NBEAL1: variants seen among roughly 807,000 people sequenced by gnomAD.
NBEAL1 encodes neurobeachin like 1, also known as neurobeachin-like protein 1.
A neutral mutation model predicts 351.3 loss-of-function variants in NBEAL1; 273 were observed. That is an observed-to-expected ratio of 0.78 (90% CI 0.70 to 0.86). The LOEUF (loss-of-function observed/expected upper bound fraction) is 0.86, where lower values mean the gene tolerates loss of function less well. NBEAL1 is among the 40% of genes least tolerant of loss of function. The probability of loss-of-function intolerance (pLI) is 0.00; values close to 1 mark genes in which losing one functional copy is unlikely to be tolerated. For synonymous variants in NBEAL1, 1,050 were observed against 1,086.4 expected, an observed-to-expected ratio of 0.97 and a Z score of 0.66; for missense variants, 2,961 against 3,201.3, an observed-to-expected ratio of 0.92 and a Z score of 1.81.
At position 203,217,859 on chromosome 2, in the gene NBEAL1, C is replaced by T; in HGVS notation, c.*505C>T. ...AAACTCGGTGAAAGTTACAAGTTTG[C>T]ATGGTAAGAATAAAATAAGAATATT... On this transcript the variant is annotated 3_prime_UTR_variant, in exon 56 of 56. Transcript: ENST00000683969. The T allele has an allele frequency of 1.0e-6, 1 of 985,082 alleles. No individual in the cohort carries two copies. Among genetic ancestry groups the T allele is most frequent in the Non-Finnish European group, 1.2e-6 (1 of 829,694 alleles). The allele number at this position is 985,082 out of a possible 1,614,324, so 61.0% of individuals were successfully genotyped here. A position where few individuals can be genotyped will look rare whatever the true frequency, so the allele number is the denominator to read the frequency against.
chr2:203,050,124 T>C (rs2061301641), intron 4 of NBEAL1, 149 bp downstream of exon 4: 2 of 642,494 alleles, frequency 3.1e-6, no homozygotes, highest in Non-Finnish European at 5.2e-6. Context: ...AAATACCTAA[T>C]GTAGATGATG....
At chr2:203,168,390 A>C (rs2064204767) in intron 38 of NBEAL1, among the ~76,000 whole-genome samples, 1 of 152,084 alleles carries the variant, frequency 6.6e-6, no homozygotes, top group South Asian at 2.1e-4. Context: ...GTTCGAGACC[A>C]CCCTGGCCAA....
chr2:203,016,101 A>G lies in NBEAL1; in HGVS notation c.-229-55A>G, dbSNP rs544943117. On this transcript the variant is annotated intron_variant, in intron 1 of 55. Coordinates refer to ENST00000683969, the MANE Select transcript of NBEAL1 (RefSeq NM_001378026.1). ...TACATCTTTAGTTTTTGATAAGTCT[A>G]GATTTTTTAGTATGGCCTCTTTTTC... 5 of 272,804 alleles carry G rather than the reference A, an allele frequency of 1.8e-5. No homozygotes were observed. The South Asian group carries it at 5.7e-4, about 31-fold the overall frequency. 16.9% of individuals were successfully genotyped at this position (272,804 alleles called of 1,614,324 possible).
Position 203,220,360 on chromosome 2 carries a change from TG to T in NBEAL1, c.*3007del, listed in dbSNP as rs2105867294. ...TTTGCTGGGCATGGTGGCAGGTGCC[TG>T]TAGTCCCAGCTACTCAGGAGGCTGA... On this transcript the variant is annotated 3_prime_UTR_variant, in exon 56 of 56. Transcript: ENST00000683969. 6.6e-6 allele frequency among the ~76,000 whole-genome samples: 1 copy of T among 152,172 alleles called. No homozygotes were observed. Among genetic ancestry groups the T allele is most frequent in the East Asian group, 1.9e-4 (1 of 5,168 alleles).
intron 19 of NBEAL1, among the ~76,000 whole-genome samples, chr2:203,123,640 C>CT (rs1202327145): frequency 6.6e-6 from 1 of 151,858 alleles, no homozygotes; most frequent in Non-Finnish European, 1.5e-5. Context: ...GGCCAGAACA[C>CT]TTTTTTTTAT....
At chr2:203,074,477 G>A (rs1292161901) in intron 7 of NBEAL1, among the ~76,000 whole-genome samples, 1 of 151,736 alleles carries the variant, frequency 6.6e-6, no homozygotes, top group Non-Finnish European at 1.5e-5. Context: ...ACAGGTGCCC[G>A]CCATCATACC....
Position 203,167,274 on chromosome 2 carries a change from C to A in NBEAL1, c.5911C>A (p.His1971Asn), listed in dbSNP as rs1276483693. ...KWPHSQIREI[H>N]LRRYNLRRSA... ...GCCTCATTCTCAAATTCGAGAGATTCATCTCCGGCGTTACAATTTAAGAAG... is the reference window on the plus strand; with the variant it reads ...GCCTCATTCTCAAATTCGAGAGATTAATCTCCGGCGTTACAATTTAAGAAG... Residue 1971 changes from histidine to asparagine, a missense_variant, in exon 38 of 56, where the codon CAT becomes AAT. Physicochemically the swap from His to Asn is moderately conservative, Grantham distance 68 (BLOSUM62 1). Transcript: ENST00000683969. The A allele has an allele frequency of 1.2e-6, 2 of 1,611,854 alleles. No individual in the cohort carries two copies. The highest frequency in any genetic ancestry group is 2.2e-5 in the East Asian group (1 of 44,728).
At chr2:203,088,709 T>C (rs568409773) in intron 10 of NBEAL1, among the ~76,000 whole-genome samples, 2 of 152,338 alleles carry the variant, frequency 1.3e-5, no homozygotes, top group South Asian at 2.1e-4. Context: ...ACTTTCTACA[T>C]GGAAGGCCCC....
intron 18 of NBEAL1, among the ~76,000 whole-genome samples, chr2:203,117,323 C>T (rs1422932592): frequency 2.0e-5 from 3 of 151,786 alleles, no homozygotes; most frequent in Non-Finnish European, 2.9e-5. Context: ...ATTAGCCAGG[C>T]GCGGTGGCGG....
intron 49 of NBEAL1, among the ~76,000 whole-genome samples, chr2:203,199,766 G>T (rs955623040): frequency 2.6e-5 from 4 of 151,792 alleles, no homozygotes; most frequent in African/African-American, 9.7e-5. Context: ...TAGGCCGCCT[G>T]GCCCTGAAAG....
At chr2:203,152,727 C>T (rs985600545) in intron 35 of NBEAL1, among the ~76,000 whole-genome samples, 1 of 152,010 alleles carries the variant, frequency 6.6e-6, no homozygotes, top group African/African-American at 2.4e-5. Context: ...GTGAAATACC[C>T]CAAAATGTTG....
intron 33 of NBEAL1, 56 bp downstream of exon 33, chr2:203,145,216 A>G (rs2063481424): frequency 6.6e-7 from 1 of 1,509,754 alleles, no homozygotes; most frequent in Admixed American, 2.0e-5. Context: ...GGCATTTAAT[A>G]TTGATTAAGA....
At chr2:203,200,616 C>T (rs2065370893) in intron 49 of NBEAL1, among the ~76,000 whole-genome samples, 1 of 152,190 alleles carries the variant, frequency 6.6e-6, no homozygotes, top group Non-Finnish European at 1.5e-5. Context: ...ATCGCTTGAA[C>T]CCAGGAGACA....
intron 19 of NBEAL1, among the ~76,000 whole-genome samples, chr2:203,124,052 T>C (rs1011607511): frequency 6.6e-6 from 1 of 152,200 alleles, no homozygotes; most frequent in Non-Finnish European, 1.5e-5. Flanking sequence ...GTAGAAGATA[T>C]GAGGCCAGGC....
rs2065915541 is a variant in NBEAL1 at position 203,217,978 on chromosome 2, G to GA, written c.*630dup. 1 of 883,722 alleles carries GA rather than the reference G, an allele frequency of 1.1e-6. No homozygotes were observed. Among genetic ancestry groups the GA allele is most frequent in the Non-Finnish European group, 1.4e-6 (1 of 737,600 alleles). 54.7% of individuals were successfully genotyped at this position (883,722 alleles called of 1,614,324 possible). On this transcript the variant is annotated 3_prime_UTR_variant, in exon 56 of 56. Coordinates refer to ENST00000683969, the MANE Select transcript of NBEAL1 (RefSeq NM_001378026.1). ...TACTGTCCTTAATAAAAATTGAGTA[G>GA]AAAAAAGTGGAACTAGAGATACATT... is the stretch of plus-strand genomic sequence containing the variant.
At chr2:203,148,213 A>G (rs546599884) in intron 33 of NBEAL1, among the ~76,000 whole-genome samples, 1 of 152,084 alleles carries the variant, frequency 6.6e-6, no homozygotes, top group South Asian at 2.1e-4. Context: ...CATCTTTATT[A>G]TGACAGTTAT....
chr2:203,053,773 C>T (rs1319730175), intron 4 of NBEAL1, among the ~76,000 whole-genome samples: 2 of 152,080 alleles, frequency 1.3e-5, no homozygotes, highest in Non-Finnish European at 1.5e-5. Context: ...CCACCTCACC[C>T]TCCCAAAATA....
intron 55 of NBEAL1, among the ~76,000 whole-genome samples, chr2:203,214,582 C>G (rs1575141660): frequency 6.6e-6 from 1 of 152,128 alleles, no homozygotes; most frequent in East Asian, 1.9e-4. Context: ...CGAGACCAGC[C>G]TGGCCAACGT....
At chr2:203,193,650 G>T in intron 46 of NBEAL1, 145 bp from the exon 47 acceptor site, 1 of 465,730 alleles carries the variant, frequency 2.1e-6, no homozygotes, top group East Asian at 3.2e-5. Flanking sequence ...TCTCTGCTAA[G>T]AGAATAGTCT....
Sources: gnomAD v4.1 joint callset for allele counts (sites outside exome capture counted in the v4.1 genomes callset) on GRCh38, gnomAD v4.1.1 for gene constraint, MANE v1.5 for transcripts, NCBI Gene and HGNC (gene_info 2026-07-23, HGNC 2026-07-21) for gene names.